The following AK8 variants were observed in gnomAD, a reference collection of about 807,000 sequenced individuals.
The protein encoded by AK8 is adenylate kinase 8.
In AK8, 44 loss-of-function variants were observed where a neutral mutation model predicts 54.6. The ratio of observed to expected loss-of-function variants is 0.81; its 90% confidence interval spans 0.63 to 1.04. The LOEUF (loss-of-function observed/expected upper bound fraction) is 1.04. Ranked by LOEUF, AK8 falls within the 50% of genes least tolerant of loss-of-function variation. AK8 has a pLI of 0.00. For missense variants in AK8, 555 were observed against 613.6 expected, an observed-to-expected ratio of 0.90 and a Z score of 1.01; for synonymous variants, 239 against 245.6, an observed-to-expected ratio of 0.97 and a Z score of 0.25.
chr9:132,774,927 A>C (rs1839144499), intron 11 of AK8, among the ~76,000 whole-genome samples: 1 of 152,220 alleles, frequency 6.6e-6, no homozygotes, highest in Non-Finnish European at 1.5e-5. Context: ...TGGAATCCAC[A>C]GGAGGGAAAG....
Position 132,828,007 on chromosome 9 carries a change from C to T in AK8, c.556+6G>A, listed in dbSNP as rs1441089680. On this transcript the variant is annotated splice_donor_region_variant and intron_variant, in intron 7 of 12. Coordinates refer to ENST00000298545, the MANE Select transcript of AK8 (RefSeq NM_152572.3). Reference sequence around the variant, plus strand: ...TGGGGCTGGGTGGGGGTGGCCGTAGCCATACCTCCAGTTTGAGGGTCGATT... The same window carrying T: ...TGGGGCTGGGTGGGGGTGGCCGTAGTCATACCTCCAGTTTGAGGGTCGATT... 1 of 1,560,550 alleles carries T rather than the reference C, an allele frequency of 6.4e-7. No homozygotes were observed. Among genetic ancestry groups the T allele is most frequent in the Non-Finnish European group, 8.7e-7 (1 of 1,151,364 alleles).
intron 11 of AK8, among the ~76,000 whole-genome samples, chr9:132,747,225 C>G (rs1564379368): frequency 3.3e-5 from 5 of 152,090 alleles, no homozygotes; most frequent in African/African-American, 9.7e-5. Context: ...ACTGCAACCT[C>G]CATCTCCTGG....
intron 11 of AK8, among the ~76,000 whole-genome samples, chr9:132,772,436 T>G (rs1354644229): frequency 6.6e-6 from 1 of 152,100 alleles, no homozygotes; most frequent in African/African-American, 2.4e-5. Flanking sequence ...GGAGTCCTTC[T>G]AAGAGGAGGA....
chr9:132,740,713 C>A (rs189965479), intron 11 of AK8, among the ~76,000 whole-genome samples: 1 of 151,966 alleles, frequency 6.6e-6, no homozygotes, highest in Non-Finnish European at 1.5e-5. Context: ...AGCTGAGCAC[C>A]CCCCCGCCCC....
chr9:132,793,615 C>T (rs1840034866), intron 10 of AK8, among the ~76,000 whole-genome samples: 2 of 152,170 alleles, frequency 1.3e-5, no homozygotes, highest in South Asian at 4.1e-4. Flanking sequence ...TAACCAAAGA[C>T]TGAAATAAAG....
upstream of AK8, chr9:132,878,341 G>C (rs1844250648): frequency 2.0e-5 from 25 of 1,277,058 alleles, no homozygotes; most frequent in South Asian, 4.5e-4. This position sits in a 1 kb window ranked among gnomAD's most constrained non-coding sequence, Gnocchi z 4.7. Context: ...CCGCGGCCCC[G>C]CCCTGCAGGC....
intron 5 of AK8, among the ~76,000 whole-genome samples, chr9:132,842,188 G>A (rs1842571955): frequency 1.3e-5 from 2 of 152,212 alleles, no homozygotes. Flanking sequence ...GCATCCGGAT[G>A]TGACTGGATA....
rs190062250 is a variant in AK8 at position 132,736,702 on chromosome 9, G to A, written c.1122-9168C>T. On this transcript the variant is annotated intron_variant, in intron 11 of 12. Transcript: ENST00000298545. ...CCGGAGGCTGAAGCAGGAGAATGGC[G>A]TGAACCCGGGAGGCGAAGCTTGAAG... Among the ~76,000 whole-genome samples, 13 of 150,082 alleles carry A rather than the reference G, an allele frequency of 8.7e-5. No individual in the cohort carries two copies. The East Asian group carries it at 1.8e-3, about 21-fold the overall frequency.
intron 11 of AK8, among the ~76,000 whole-genome samples, chr9:132,762,382 C>G (rs567656604): frequency 6.6e-6 from 1 of 152,084 alleles, no homozygotes; most frequent in Non-Finnish European, 1.5e-5. Context: ...ATTTATTTTT[C>G]ACTGAATACC....
At chr9:132,862,388 T>G (rs1309128931) in intron 4 of AK8, among the ~76,000 whole-genome samples, 1 of 151,878 alleles carries the variant, frequency 6.6e-6, no homozygotes, top group Admixed American at 6.6e-5. Flanking sequence ...AGTGCAGTGG[T>G]GTGATCTTGA....
chr9:132,814,824 A>T (rs778385069), intron 9 of AK8, 97 bp from the exon 10 acceptor site: 150 of 1,027,916 alleles, frequency 1.5e-4, no homozygotes, highest in Non-Finnish European at 1.9e-4. Flanking sequence ...GAGGGAAAAA[A>T]AAAAGGTCAC....
chr9:132,850,196 G>C (rs1469266326), intron 5 of AK8, among the ~76,000 whole-genome samples: 2 of 149,214 alleles, frequency 1.3e-5, no homozygotes, highest in Non-Finnish European at 3.0e-5. Context: ...TGGGATTACA[G>C]GCACCCACCA....
chr9:132,785,984 T>C (rs894923386), intron 11 of AK8, among the ~76,000 whole-genome samples: 1 of 152,146 alleles, frequency 6.6e-6, no homozygotes, highest in African/African-American at 2.4e-5. Context: ...AAACCTAACC[T>C]ACAAGGACAG....
intron 11 of AK8, among the ~76,000 whole-genome samples, chr9:132,771,248 G>A (rs531390795): frequency 6.6e-6 from 1 of 152,324 alleles, no homozygotes; most frequent in Admixed American, 6.5e-5. Flanking sequence ...AGGTAGGCCA[G>A]GTGCACAGCC....
In AK8 at chr9:132,781,553, A is replaced by C. The variant is rs1285515380; in HGVS notation, c.1121+11081T>G. 1.3e-5 allele frequency among the ~76,000 whole-genome samples: 2 copies of C among 152,178 alleles called. No homozygotes were observed. Among genetic ancestry groups the C allele is most frequent in the Non-Finnish European group, 2.9e-5 (2 of 68,042 alleles). On this transcript the variant is annotated intron_variant, in intron 11 of 12. Transcript: ENST00000298545. The surrounding 1 kb of genome is among the most constrained non-coding windows in gnomAD (Gnocchi z 4.6). ...CTATTTACTAGTGTGAATATATTTTAATAATAAAATTGATATATATGTAAA... is the reference window on the plus strand; with the variant it reads ...CTATTTACTAGTGTGAATATATTTTCATAATAAAATTGATATATATGTAAA...
At chr9:132,844,351 C>G (rs1842665107) in intron 5 of AK8, among the ~76,000 whole-genome samples, 1 of 147,744 alleles carries the variant, frequency 6.8e-6, no homozygotes, top group African/African-American at 2.5e-5. Flanking sequence ...CCTGCATTAA[C>G]TACAGAATCC....
chr9:132,864,597 C>T (rs1250437268), intron 3 of AK8, among the ~76,000 whole-genome samples: 1 of 152,158 alleles, frequency 6.6e-6, no homozygotes, highest in South Asian at 2.1e-4. Context: ...GGAAGAAGCC[C>T]TTTTTGACTG....
chr9:132,761,470 C>A (rs1590209461), intron 11 of AK8, among the ~76,000 whole-genome samples: 1 of 152,198 alleles, frequency 6.6e-6, no homozygotes, highest in African/African-American at 2.4e-5. Flanking sequence ...GCCATGTTGG[C>A]AAGTCTGGTC....
At chr9:132,848,080 C>T (rs1490949536) in intron 5 of AK8, among the ~76,000 whole-genome samples, 1 of 141,236 alleles carries the variant, frequency 7.1e-6, no homozygotes, top group Non-Finnish European at 1.5e-5. Flanking sequence ...CGTGCCATTG[C>T]ACTCCGGCCT....
Sources: gnomAD v4.1 joint callset for allele counts (sites outside exome capture counted in the v4.1 genomes callset) on GRCh38, gnomAD v4.1.1 for gene constraint, Gnocchi (gnomAD v3.1) non-coding constraint, MANE v1.5 for transcripts, NCBI Gene and HGNC (gene_info 2026-07-23, HGNC 2026-07-21) for gene names.